The following ZC3H12B variants were observed in gnomAD, a reference collection of about 807,000 sequenced individuals.
The protein encoded by ZC3H12B is probable ribonuclease ZC3H12B.
In ZC3H12B, 7 loss-of-function variants were observed where a neutral mutation model predicts 43.9. The observed-to-expected ratio is 0.16, with a 90% CI of 0.09 to 0.30. The LOEUF is 0.30. ZC3H12B is among the 10% of genes least tolerant of loss of function. The pLI, the probability that ZC3H12B is intolerant of heterozygous loss-of-function variation, is 1.00. For missense variants in ZC3H12B, 475 were observed against 670.2 expected, an observed-to-expected ratio of 0.71 and a Z score of 3.22; for synonymous variants, 222 against 241.7, an observed-to-expected ratio of 0.92 and a Z score of 0.76.
the ZC3H12B span, among the ~76,000 whole-genome samples, chrX:65,326,994 G>A: frequency 9.0e-6 from 1 of 111,271 alleles, no homozygotes; most frequent in Non-Finnish European, 1.9e-5. Flanking sequence ...CAGGGATGGA[G>A]AGAAAAGGGA....
the ZC3H12B span, among the ~76,000 whole-genome samples, chrX:65,181,509 A>G: frequency 8.9e-6 from 1 of 111,933 alleles, no homozygotes; most frequent in East Asian, 2.8e-4. Context: ...TATCCATCTG[A>G]AAAAGGTCTA....
the ZC3H12B span, among the ~76,000 whole-genome samples, chrX:65,096,595 G>A: frequency 9.0e-6 from 1 of 111,226 alleles, no homozygotes; most frequent in Admixed American, 9.6e-5. Flanking sequence ...GTAGAAAACT[G>A]CAAAACTGAA....
the ZC3H12B span, among the ~76,000 whole-genome samples, chrX:65,106,819 A>T: frequency 1.2e-4 from 13 of 111,791 alleles, no homozygotes; most frequent in Non-Finnish European, 2.3e-4. Context: ...CAGTGTCTTA[A>T]GCAATTTACA....
chrX:65,330,609 G>A, the ZC3H12B span, among the ~76,000 whole-genome samples: 3 of 111,545 alleles, frequency 2.7e-5, no homozygotes, highest in East Asian at 5.7e-4. Flanking sequence ...GAGTTTTTGG[G>A]ATGAAGCATT....
intron 3 of ZC3H12B, among the ~76,000 whole-genome samples, chrX:65,460,289 T>C (rs902574686): frequency 9.0e-6 from 1 of 111,598 alleles, no homozygotes; most frequent in Non-Finnish European, 1.9e-5. Context: ...CTGCCCAAGG[T>C]AATTTATAGA....
exon 5 of ZC3H12B, chrX:65,502,469 A>T (rs775295850): frequency 8.3e-7 from 1 of 1,210,951 alleles, no homozygotes. Context: ...GAGCCATACC[A>T]GGAATGACAA....
At chrX:65,199,983 G>A in the ZC3H12B span, among the ~76,000 whole-genome samples, 1 of 110,706 alleles carries the variant, frequency 9.0e-6, no homozygotes, top group East Asian at 2.8e-4. Flanking sequence ...GCATTTCTGG[G>A]TTAAATTTCA....
the ZC3H12B span, among the ~76,000 whole-genome samples, chrX:65,240,854 C>T: frequency 1.8e-5 from 2 of 111,813 alleles, no homozygotes; most frequent in African/African-American, 3.2e-5. Context: ...GTAAGGTGAT[C>T]ATTCCAGACC....
chrX:65,277,317 CA>C, the ZC3H12B span, among the ~76,000 whole-genome samples: 2 of 111,162 alleles, frequency 1.8e-5, no homozygotes, highest in Non-Finnish European at 3.8e-5. Context: ...ATTTAGACAG[CA>C]AATCAACTAA....
chrX:65,257,025 A>C, the ZC3H12B span, among the ~76,000 whole-genome samples: 9,128 of 111,799 alleles, frequency 0.082, 1,027 homozygotes, highest in African/African-American at 0.29. Context: ...CTAGTTCAAC[A>C]ATTGTGGAAG....
chrX:65,402,317 A>C (rs1020559575), intron 3 of ZC3H12B, among the ~76,000 whole-genome samples: 1 of 111,676 alleles, frequency 9.0e-6, no homozygotes, highest in Non-Finnish European at 1.9e-5. Context: ...CACAAGGTAG[A>C]CTTCTAAGTT....
chrX:65,268,515 A>G, the ZC3H12B span, among the ~76,000 whole-genome samples: 1 of 112,419 alleles, frequency 8.9e-6, no homozygotes, highest in Non-Finnish European at 1.9e-5. Flanking sequence ...ATTCTCAATG[A>G]AATATTAGCA....
chrX:65,345,238 C>T, the ZC3H12B span, among the ~76,000 whole-genome samples: 2 of 112,017 alleles, frequency 1.8e-5, no homozygotes, highest in East Asian at 2.8e-4. Flanking sequence ...CATAAAGACA[C>T]ATGCATGCAT....
chrX:65,127,511 G>A, the ZC3H12B span, among the ~76,000 whole-genome samples: 20 of 111,053 alleles, frequency 1.8e-4, no homozygotes, highest in Non-Finnish European at 3.4e-4. Context: ...CCTATAGGGA[G>A]GATGCAAACT....
the ZC3H12B span, among the ~76,000 whole-genome samples, chrX:65,255,598 A>G: frequency 8.9e-5 from 10 of 112,387 alleles, no homozygotes; most frequent in Non-Finnish European, 1.7e-4. Flanking sequence ...ACTTATTTAC[A>G]TAGACCATTA....
chrX:65,053,609 C>T, the ZC3H12B span, among the ~76,000 whole-genome samples: 2 of 111,567 alleles, frequency 1.8e-5, no homozygotes, highest in African/African-American at 3.3e-5. Context: ...TTATACTCCT[C>T]TGGGTATATA....
chrX:65,200,876 C>G, the ZC3H12B span, among the ~76,000 whole-genome samples: 1 of 111,663 alleles, frequency 9.0e-6, no homozygotes, highest in African/African-American at 3.3e-5. Flanking sequence ...AACCTTGCAT[C>G]AAGAGGATGA....
intron 2 of ZC3H12B, among the ~76,000 whole-genome samples, chrX:65,381,208 G>T (rs976259204): frequency 9.0e-6 from 1 of 111,082 alleles, no homozygotes; most frequent in Non-Finnish European, 1.9e-5. Flanking sequence ...TGGAAGTAAA[G>T]CTCTCCTCAG....
At chrX:65,491,860 G>A (rs2068209269) in intron 1 of ZC3H12B, among the ~76,000 whole-genome samples, 1 of 109,342 alleles carries the variant, frequency 9.1e-6, no homozygotes. Flanking sequence ...TTTTAATGAG[G>A]GGAAACCAAA....
Sources: allele counts gnomAD v4.1 joint callset (sites outside exome capture counted in the v4.1 genomes callset), GRCh38; gene constraint gnomAD v4.1.1; transcripts MANE v1.5; gene names NCBI Gene and HGNC (gene_info 2026-07-23, HGNC 2026-07-21).